The following PIEZO2 variants were observed in gnomAD, a reference collection of about 807,000 sequenced individuals.
PIEZO2 encodes piezo-type mechanosensitive ion channel component 2.
Under a neutral mutation model 337.3 loss-of-function variants are expected in PIEZO2, and 172 were observed. The ratio of observed to expected loss-of-function variants is 0.51; its 90% CI spans 0.45 to 0.58. The LOEUF (loss-of-function observed/expected upper bound fraction) is 0.58. Among genes scored for constraint, PIEZO2 ranks in the 20% least tolerant of loss-of-function variants. The pLI is 0.00. For synonymous variants in PIEZO2, 1,251 were observed against 1,228.5 expected, an observed-to-expected ratio of 1.02 and a Z score of -0.38; for missense variants, 3,028 against 3,391.3, an observed-to-expected ratio of 0.89 and a Z score of 2.66.
At chr18:11,058,289 A>T (rs1294094415) in intron 2 of PIEZO2, among the ~76,000 whole-genome samples, 1 of 152,196 alleles carries the variant, frequency 6.6e-6, no homozygotes, top group Non-Finnish European at 1.5e-5. Flanking sequence ...CATCCACACC[A>T]AAACCCCATC....
chr18:10,681,328 G>C (rs1030329641), intron 51 of PIEZO2, among the ~76,000 whole-genome samples: 1 of 152,208 alleles, frequency 6.6e-6, no homozygotes, highest in South Asian at 2.1e-4. Flanking sequence ...TGCCTAGATA[G>C]AGCGTTCTCA....
At chr18:10,963,481 A>G (rs1319539818) in intron 3 of PIEZO2, among the ~76,000 whole-genome samples, 1 of 152,186 alleles carries the variant, frequency 6.6e-6, no homozygotes, top group Non-Finnish European at 1.5e-5. Flanking sequence ...ACATCCGGAA[A>G]AAGTTTAAAA....
At chr18:10,770,787 G>C (rs909071255) in intron 20 of PIEZO2, among the ~76,000 whole-genome samples, 11 of 120,116 alleles carry the variant, frequency 9.2e-5, no homozygotes, top group African/African-American at 3.5e-4. Flanking sequence ...CTGTAGCCCA[G>C]GCTAGAGTGC....
In PIEZO2 at chr18:11,078,906, G is replaced by C. The variant is rs1474089431; in HGVS notation, c.65-12684C>G. Among the ~76,000 whole-genome samples, 2 of 152,208 alleles carry C rather than the reference G, an allele frequency of 1.3e-5. No individual in the cohort carries two copies. Among genetic ancestry groups the C allele is most frequent in the African/African-American group, 4.8e-5 (2 of 41,448 alleles). ...ATCCTTGCAGGGACCAGTCTAAAGAGATGTTTCCCAGGCTGCCTCAGCCTT... is the reference window on the plus strand; with the variant it reads ...ATCCTTGCAGGGACCAGTCTAAAGACATGTTTCCCAGGCTGCCTCAGCCTT... On this transcript the variant is annotated intron_variant, in intron 1 of 55. Transcript: ENST00000674853. The surrounding 1 kb of genome is among the most constrained non-coding windows in gnomAD (Gnocchi z 5.3).
At chr18:10,916,582 G>A (rs1008658030) in intron 3 of PIEZO2, among the ~76,000 whole-genome samples, 3 of 152,136 alleles carry the variant, frequency 2.0e-5, no homozygotes, top group Non-Finnish European at 4.4e-5. Context: ...TCTGAGTGTG[G>A]GGTCCGTGAG....
At chr18:10,968,188 C>T (rs1425770774) in intron 3 of PIEZO2, among the ~76,000 whole-genome samples, 2 of 152,154 alleles carry the variant, frequency 1.3e-5, no homozygotes, top group Non-Finnish European at 2.9e-5. Context: ...TATCCCAGCA[C>T]CATTTGTCAA....
At chr18:11,082,429 T>G (rs1241735851) in intron 1 of PIEZO2, among the ~76,000 whole-genome samples, 1 of 151,818 alleles carries the variant, frequency 6.6e-6, no homozygotes, top group Non-Finnish European at 1.5e-5. Flanking sequence ...GCCATTCTCC[T>G]GCCTCAGCCT....
At chr18:10,910,385 C>G (rs762938328) in intron 4 of PIEZO2, among the ~76,000 whole-genome samples, 3 of 152,164 alleles carry the variant, frequency 2.0e-5, no homozygotes, top group African/African-American at 4.8e-5. Context: ...GAGTACAAGA[C>G]CAGTCTGGCC....
At chr18:10,814,056 C>T (rs901830578) in intron 7 of PIEZO2, among the ~76,000 whole-genome samples, 3 of 151,926 alleles carry the variant, frequency 2.0e-5, no homozygotes, top group Admixed American at 1.3e-4. Context: ...CAAGCTCCAC[C>T]TCCCTGGTTC....
intron 49 of PIEZO2, 81 bp downstream of exon 49, chr18:10,689,574 G>T: frequency 1.3e-6 from 2 of 1,574,962 alleles, no homozygotes; most frequent in Non-Finnish European, 1.7e-6. Context: ...TTCATTGTGA[G>T]CAGAAGTTCA....
intron 4 of PIEZO2, among the ~76,000 whole-genome samples, chr18:10,897,061 T>C (rs201302982): frequency 1.3e-5 from 2 of 152,182 alleles, no homozygotes; most frequent in Non-Finnish European, 1.5e-5. Context: ...ATGCTAAACA[T>C]CACTGCCTAC....
In PIEZO2 at chr18:11,104,449, C is replaced by T. The variant is rs1027069253; in HGVS notation, c.65-38227G>A. ...CTCCCAACTAGGGATTCTGAATTGGCAGCAGAGATCAATGAACGCAGCTGC... is the reference window on the plus strand; with the variant it reads ...CTCCCAACTAGGGATTCTGAATTGGTAGCAGAGATCAATGAACGCAGCTGC... On this transcript the variant is annotated intron_variant, in intron 1 of 55. Coordinates refer to ENST00000674853, the MANE Select transcript of PIEZO2 (RefSeq NM_001378183.1). This position sits in a 1 kb window ranked among gnomAD's most constrained non-coding sequence, Gnocchi z 4.6. 9.2e-5 allele frequency among the ~76,000 whole-genome samples: 14 copies of T among 152,210 alleles called. No homozygotes were observed. The highest frequency in any genetic ancestry group is 2.0e-4 in the Admixed American group (3 of 15,282).
At chr18:11,000,831 G>T (rs1035666512) in intron 2 of PIEZO2, among the ~76,000 whole-genome samples, 10 of 152,146 alleles carry the variant, frequency 6.6e-5, no homozygotes, top group African/African-American at 2.4e-4. Flanking sequence ...AGGCAAAAGA[G>T]AAGCTGAACA....
At chr18:10,772,081 C>T (rs1350598726) in intron 20 of PIEZO2, among the ~76,000 whole-genome samples, 1 of 152,098 alleles carries the variant, frequency 6.6e-6, no homozygotes, top group East Asian at 1.9e-4. Context: ...AAAATGTATG[C>T]TGAGGTTGCT....
chr18:11,023,836 G>C (rs1033682431), intron 2 of PIEZO2, among the ~76,000 whole-genome samples: 5 of 152,200 alleles, frequency 3.3e-5, no homozygotes, highest in African/African-American at 1.2e-4. Flanking sequence ...GCGCAGCGCC[G>C]GTGGGCCGGC....
chr18:11,106,418 C>CTTTTTTTTTTTTT (rs539595699), intron 1 of PIEZO2, among the ~76,000 whole-genome samples: 1 of 129,598 alleles, frequency 7.7e-6, no homozygotes, highest in African/African-American at 3.1e-5. Context: ...TTTCCTCTCT[C>CTTTTTTTTTTTTT]TTTTTTTTTT....
chr18:10,825,083 T>G (rs972776341), intron 7 of PIEZO2, among the ~76,000 whole-genome samples: 11 of 151,934 alleles, frequency 7.2e-5, no homozygotes, highest in African/African-American at 2.7e-4. Context: ...AGGCTGGTCT[T>G]GAACTCCTGA....
chr18:10,864,421 G>A (rs1484480346), intron 5 of PIEZO2, among the ~76,000 whole-genome samples: 1 of 152,046 alleles, frequency 6.6e-6, no homozygotes. Context: ...AGGACATTGA[G>A]AGAAAAAAGA....
At chr18:10,681,542 T>C (rs995639811) in intron 51 of PIEZO2, 119 bp downstream of exon 51, 3 of 771,448 alleles carry the variant, frequency 3.9e-6, no homozygotes, top group Non-Finnish European at 6.5e-6. Flanking sequence ...ATGTAACTGA[T>C]AAACCCTGAA....
Sources: allele counts gnomAD v4.1 joint callset (sites outside exome capture counted in the v4.1 genomes callset), GRCh38; gene constraint gnomAD v4.1.1; non-coding constraint Gnocchi (gnomAD v3.1); transcripts MANE v1.5; gene names NCBI Gene and HGNC (gene_info 2026-07-23, HGNC 2026-07-21).